Variants in CASP4 observed in about 807,000 individuals in gnomAD.
The protein encoded by CASP4 is caspase-4.
CASP4 carries 29 observed loss-of-function variants against 41.3 expected under a neutral mutation model. The ratio of observed to expected loss-of-function variants is 0.70; its 90% CI spans 0.52 to 0.96. The LOEUF is 0.96. CASP4 is among the 40% of genes least tolerant of loss of function. CASP4 has a pLI of 0.00. For missense variants in CASP4, 447 were observed against 460.6 expected, an observed-to-expected ratio of 0.97 and a Z score of 0.27; for synonymous variants, 185 against 158.4, an observed-to-expected ratio of 1.17 and a Z score of -1.26.
chr11:104,958,960 C>CAAAAAAAAAAAAAAAA (rs56678254), intron 1 of CASP4, among the ~76,000 whole-genome samples: 1 of 62,466 alleles, frequency 1.6e-5, no homozygotes, highest in Non-Finnish European at 2.9e-5. Context: ...GACTCTGTCT[C>CAAAAAAAAAAAAAAAA]AAAAAAAAAA....
intron 1 of CASP4, among the ~76,000 whole-genome samples, chr11:104,957,183 G>A (rs1426775895): frequency 2.0e-5 from 3 of 151,844 alleles, no homozygotes; most frequent in African/African-American, 7.3e-5. Flanking sequence ...AAATCTTTTA[G>A]AACAAATAAA....
chr11:104,956,030 CATT>C (rs1196801009), intron 1 of CASP4, among the ~76,000 whole-genome samples: 1 of 151,936 alleles, frequency 6.6e-6, no homozygotes, highest in Admixed American at 6.6e-5. Context: ...ATGAGAAAAA[CATT>C]AGACATTACA....
At chr11:104,945,341 C>T (rs982901791) in intron 7 of CASP4, among the ~76,000 whole-genome samples, 1 of 151,848 alleles carries the variant, frequency 6.6e-6, no homozygotes, top group African/African-American at 2.4e-5. Context: ...CAACCTCCGC[C>T]TCCAGAGTTC....
intron 1 of CASP4, among the ~76,000 whole-genome samples, chr11:104,966,434 T>C (rs1213002462): frequency 1.3e-5 from 2 of 152,120 alleles, no homozygotes; most frequent in Non-Finnish European, 2.9e-5. Context: ...AAAATACATA[T>C]GCAAATAAGT....
At chr11:104,950,208 A>G (rs1043275810) in intron 4 of CASP4, among the ~76,000 whole-genome samples, 2 of 151,000 alleles carry the variant, frequency 1.3e-5, no homozygotes, top group Admixed American at 1.3e-4. Flanking sequence ...CTCTAGTCAC[A>G]CTGGTCTTCT....
chr11:104,961,479 T>C (rs538630007), intron 1 of CASP4, among the ~76,000 whole-genome samples: 2 of 152,000 alleles, frequency 1.3e-5, no homozygotes, highest in South Asian at 4.2e-4. Context: ...TCTGTAGCTC[T>C]ATGATGGGGT....
chr11:104,962,133 A>T (rs1860874363), intron 1 of CASP4, among the ~76,000 whole-genome samples: 1 of 152,220 alleles, frequency 6.6e-6, no homozygotes, highest in Admixed American at 6.5e-5. Flanking sequence ...GCATTTTAAG[A>T]ATCTTGCCTA....
At chr11:104,967,580 T>A (rs148615031) in intron 1 of CASP4, among the ~76,000 whole-genome samples, 281 of 152,304 alleles carry the variant, frequency 1.8e-3, no homozygotes, top group African/African-American at 6.5e-3. Flanking sequence ...GTTAACTAAC[T>A]GGTCAACTTT....
intron 1 of CASP4, among the ~76,000 whole-genome samples, chr11:104,958,108 C>T (rs1243489676): frequency 1.3e-5 from 2 of 152,096 alleles, no homozygotes; most frequent in African/African-American, 4.8e-5. Context: ...GAATAAAAAT[C>T]TCTAAACATA....
chr11:104,967,189 A>C (rs926838568), intron 1 of CASP4, among the ~76,000 whole-genome samples: 1 of 152,182 alleles, frequency 6.6e-6, no homozygotes, highest in African/African-American at 2.4e-5. Context: ...GTTGTTTATA[A>C]TTATCAAACC....
At chr11:104,948,297 C>A in intron 6 of CASP4, 1 of 321,962 alleles carries the variant, frequency 3.1e-6, no homozygotes, top group African/African-American at 2.1e-5. Context: ...GTTAAATGGG[C>A]TTAATAAAAA....
Position 104,954,845 on chromosome 11 carries a change from CG to C in CASP4, c.163del (p.Arg55GlyfsTer25). The C allele has an allele frequency of 6.2e-7, 1 of 1,613,782 alleles. No individual in the cohort carries two copies. The highest frequency in any genetic ancestry group is 8.5e-7 in the Non-Finnish European group (1 of 1,179,802). On this transcript the variant is annotated frameshift_variant, in exon 2 of 9. Coordinates refer to ENST00000444739, the MANE Select transcript of CASP4 (RefSeq NM_001225.4). LOFTEE classifies it high-confidence loss of function. Reference protein sequence around the residue: ...YYDAKTEDKVRVMADSMQEKQ... With the variant: ...YYDAKTEDKVXVMADSMQEKQ... ...CTCTTGCATAGAGTCTGCCATGACC[CG>C]AACTTTGTCTTCAGTTTTAGCATCG...
intron 1 of CASP4, among the ~76,000 whole-genome samples, chr11:104,964,001 T>A (rs898017413): frequency 1.3e-5 from 2 of 152,230 alleles, no homozygotes; most frequent in African/African-American, 4.8e-5. Flanking sequence ...GTGCTGAATT[T>A]TCTGTCTGTC....
intron 7 of CASP4, among the ~76,000 whole-genome samples, chr11:104,946,350 G>A (rs1170177320): frequency 2.6e-5 from 4 of 151,956 alleles, no homozygotes; most frequent in African/African-American, 4.8e-5. Flanking sequence ...TATCTGCTAC[G>A]TGCCAGGTTT....
At position 104,942,983 on chromosome 11, in the gene CASP4, A is replaced by G. The variant is rs1003508356; in HGVS notation, c.*6-10T>C. 4.4e-5 allele frequency: 20 copies of G among 454,656 alleles called. No individual in the cohort carries two copies. The highest frequency in any genetic ancestry group is 2.6e-4 in the African/African-American group (13 of 49,980). The allele number at this position is 454,656 out of a possible 1,614,324, so 28.2% of individuals were successfully genotyped here. A position where few individuals can be genotyped will look rare whatever the true frequency, so the allele number is the denominator to read the frequency against. ...GGCTGCTTGTGGCTTCCTGCAGGGG[A>G]GAGAAAAAACAGAAGGTCAAGATGG... is the stretch of plus-strand genomic sequence containing the variant. On this transcript the variant is annotated splice_polypyrimidine_tract_variant and intron_variant, in intron 8 of 8. Coordinates refer to ENST00000444739, the MANE Select transcript of CASP4 (RefSeq NM_001225.4).
intron 1 of CASP4, among the ~76,000 whole-genome samples, chr11:104,962,760 G>A (rs1220796555): frequency 6.6e-6 from 1 of 152,200 alleles, no homozygotes; most frequent in Non-Finnish European, 1.5e-5. Context: ...TCTTGGAATA[G>A]CAATAGAAAC....
intron 1 of CASP4, among the ~76,000 whole-genome samples, chr11:104,955,359 T>TTG (rs1368870015): frequency 4.6e-5 from 7 of 152,146 alleles, no homozygotes; most frequent in South Asian, 4.1e-4. Context: ...CTAAAATATA[T>TTG]ATTCCCGGGA....
chr11:104,959,462 T>A (rs867742864), intron 1 of CASP4, among the ~76,000 whole-genome samples: 2 of 152,202 alleles, frequency 1.3e-5, no homozygotes, highest in South Asian at 2.1e-4. Context: ...AATAAATAAG[T>A]AAATTAAAAG....
chr11:104,953,004 G>A (rs781586018), intron 2 of CASP4, among the ~76,000 whole-genome samples: 12 of 152,130 alleles, frequency 7.9e-5, no homozygotes, highest in African/African-American at 7.2e-5. Context: ...TCACTTACAG[G>A]TTTAGAGAAC....
Sources: gnomAD v4.1 joint callset for allele counts (sites outside exome capture counted in the v4.1 genomes callset) on GRCh38, gnomAD v4.1.1 for gene constraint, MANE v1.5 for transcripts, NCBI Gene and HGNC (gene_info 2026-07-23, HGNC 2026-07-21) for gene names.